The following KCNN2 variants were observed in gnomAD, a reference collection of about 807,000 sequenced individuals.
The protein encoded by KCNN2 is potassium calcium-activated channel subfamily N member 2, also known as small conductance calcium-activated potassium channel protein 2.
A neutral mutation model predicts 55.5 loss-of-function variants in KCNN2; 24 were observed. The ratio of observed to expected loss-of-function variants is 0.43; its 90% confidence interval spans 0.31 to 0.61. The LOEUF (loss-of-function observed/expected upper bound fraction) is 0.61, where lower values mean the gene tolerates loss of function less well. Among genes scored for constraint, KCNN2 ranks in the 20% least tolerant of loss-of-function variants. The pLI is 0.08. For synonymous variants in KCNN2, 431 were observed against 336.1 expected (o/e 1.28, Z -3.09); for missense variants, 754 against 853.6 (o/e 0.88, Z 1.45).
chr5:114,372,362 C>G (rs1297572094), intron 2 of KCNN2, among the ~76,000 whole-genome samples: 2 of 152,022 alleles, frequency 1.3e-5, no homozygotes, highest in Non-Finnish European at 2.9e-5. Context: ...TGTTTGAACT[C>G]TATGAACTCT....
At chr5:114,491,144 T>G (rs1747828281) in intron 6 of KCNN2, among the ~76,000 whole-genome samples, 1 of 152,070 alleles carries the variant, frequency 6.6e-6, no homozygotes, top group Non-Finnish European at 1.5e-5. Flanking sequence ...CCAAGAGAAG[T>G]AAATTAGGCC....
chr5:114,213,951 A>G (rs1753941607), intron 1 of KCNN2, among the ~76,000 whole-genome samples: 1 of 151,996 alleles, frequency 6.6e-6, no homozygotes, highest in Non-Finnish European at 1.5e-5. Flanking sequence ...CACAACACTA[A>G]CATTTATTGA....
At chr5:114,145,986 CGTT>C (rs1245776622) in intron 1 of KCNN2, among the ~76,000 whole-genome samples, 2 of 151,970 alleles carry the variant, frequency 1.3e-5, no homozygotes, top group Non-Finnish European at 1.5e-5. Flanking sequence ...TTCTCTGTCT[CGTT>C]GTTGCATGCA....
rs371882287 is a variant in KCNN2, at chr5:114,074,293, CGTGTGTGTGTGTGTGTGTGT to C, written c.-271+17811_-271+17830del. Among the ~76,000 whole-genome samples, 155 of 144,600 alleles carry C rather than the reference CGTGTGTGTGTGTGTGTGTGT, an allele frequency of 1.1e-3. 1 individual carries two copies. Among genetic ancestry groups the C allele is most frequent in the African/African-American group, 3.9e-3 (150 of 38,308 alleles). The allele number at this position is 144,600 out of a possible 152,430, so 94.9% of individuals were successfully genotyped here. A position where few individuals can be genotyped will look rare whatever the true frequency, so the allele number is the denominator to read the frequency against. On this transcript the variant is annotated intron_variant, in intron 1 of 10. Transcript: ENST00000512097. Reference sequence around the variant, plus strand: ...TTATGAATTTTAAAGGCCATGTTTGCGTGTGTGTGTGTGTGTGTGTGTGTGTGTGTGTGTGTGCGCGCGCG... The same window carrying C: ...TTATGAATTTTAAAGGCCATGTTTGCGTGTGTGTGTGTGTGTGCGCGCGCG...
intron 1 of KCNN2, among the ~76,000 whole-genome samples, chr5:114,215,803 C>A (rs143464332): frequency 1.3e-5 from 2 of 152,142 alleles, no homozygotes; most frequent in East Asian, 3.9e-4. Context: ...TTTGAAGCTC[C>A]TTTTGCACCT....
chr5:114,124,469 C>A (rs1040077183), intron 1 of KCNN2, among the ~76,000 whole-genome samples: 2 of 151,938 alleles, frequency 1.3e-5, no homozygotes, highest in African/African-American at 4.8e-5. Context: ...CCATGATCTG[C>A]CCCCCCTGGA....
In KCNN2 at chr5:114,162,420, G is replaced by T. The variant is rs113220500; in HGVS notation, c.-270-59060G>T. ...GGTGTCAGTCCGCCCCTACTGGGGG[G>T]TGCCTCCCAGTTAGGCTACTCAGGG... On this transcript the variant is annotated intron_variant, in intron 1 of 10. Coordinates refer to the KCNN2 transcript ENST00000512097. Among the ~76,000 whole-genome samples, 319 of 152,294 alleles carry T rather than the reference G, an allele frequency of 2.1e-3. 1 individual carries two copies. Among genetic ancestry groups the T allele is most frequent in the African/African-American group, 7.1e-3 (295 of 41,566 alleles).
At chr5:114,477,737 A>G (rs1043346040) in intron 5 of KCNN2, among the ~76,000 whole-genome samples, 2 of 152,166 alleles carry the variant, frequency 1.3e-5, no homozygotes, top group African/African-American at 4.8e-5. Flanking sequence ...GATCCCCAGA[A>G]TACCTTTTTG....
At chr5:114,149,126 C>T (rs558212448) in intron 1 of KCNN2, among the ~76,000 whole-genome samples, 4 of 152,168 alleles carry the variant, frequency 2.6e-5, no homozygotes, top group East Asian at 1.9e-4. Context: ...GCCTGGATTC[C>T]ACCCTGTTTA....
chr5:114,419,349 C>G (rs761850394), intron 3 of KCNN2, among the ~76,000 whole-genome samples: 2 of 152,186 alleles, frequency 1.3e-5, no homozygotes, highest in Admixed American at 6.5e-5. Flanking sequence ...ATTACCTAGC[C>G]TTATGCTGAA....
chr5:114,212,973 G>T (rs2112583959), intron 1 of KCNN2, among the ~76,000 whole-genome samples: 1 of 152,020 alleles, frequency 6.6e-6, no homozygotes, highest in African/African-American at 2.4e-5. Context: ...AGGGAGAATT[G>T]CCTTTGGAGT....
chr5:114,430,882 G>A (rs894013710), intron 3 of KCNN2, among the ~76,000 whole-genome samples: 2 of 152,052 alleles, frequency 1.3e-5, no homozygotes, highest in Non-Finnish European at 2.9e-5. Context: ...AACCTGTTAT[G>A]TGGTTGATGG....
intron 2 of KCNN2, among the ~76,000 whole-genome samples, chr5:114,291,771 C>T (rs1755894628): frequency 6.6e-6 from 1 of 152,204 alleles, no homozygotes; most frequent in South Asian, 2.1e-4. Context: ...ACCACACCGA[C>T]TTCCATAATG....
intron 1 of KCNN2, among the ~76,000 whole-genome samples, chr5:114,067,438 A>C (rs140418945): frequency 1.2e-4 from 19 of 152,330 alleles, no homozygotes; most frequent in Non-Finnish European, 2.8e-4. Context: ...AATTCCTTTA[A>C]GCAAACCAAA....
intron 2 of KCNN2, among the ~76,000 whole-genome samples, chr5:114,269,533 T>C (rs1459707566): frequency 1.3e-5 from 2 of 151,176 alleles, no homozygotes; most frequent in South Asian, 2.1e-4. Context: ...GGGAATATCA[T>C]AGACCGACTC....
intron 2 of KCNN2, among the ~76,000 whole-genome samples, chr5:114,316,418 G>T (rs1050877615): frequency 6.6e-6 from 1 of 152,058 alleles, no homozygotes; most frequent in Non-Finnish European, 1.5e-5. Flanking sequence ...TTTTGAAACC[G>T]CTAGACTAGC....
chr5:114,259,714 G>A (rs1755062271), intron 2 of KCNN2, among the ~76,000 whole-genome samples: 1 of 152,086 alleles, frequency 6.6e-6, no homozygotes, highest in Non-Finnish European at 1.5e-5. Context: ...GGTGAGGGGA[G>A]CCGAAACACT....
chr5:114,460,562 T>C (rs1212630737), intron 3 of KCNN2, among the ~76,000 whole-genome samples: 1 of 152,122 alleles, frequency 6.6e-6, no homozygotes, highest in East Asian at 1.9e-4. Context: ...TAGTTATTAA[T>C]AATAGTGTTC....
At chr5:114,487,449 C>G (rs1747628767) in intron 6 of KCNN2, among the ~76,000 whole-genome samples, 1 of 152,038 alleles carries the variant, frequency 6.6e-6, no homozygotes, top group African/African-American at 2.4e-5. Flanking sequence ...AATTGTATTT[C>G]TTAATTTGAC....
Sources: gnomAD v4.1 joint callset for allele counts (sites outside exome capture counted in the v4.1 genomes callset) on GRCh38, gnomAD v4.1.1 for gene constraint, MANE v1.5 for transcripts, NCBI Gene and HGNC (gene_info 2026-07-23, HGNC 2026-07-21) for gene names.